ANO4: variants seen among roughly 807,000 people sequenced by gnomAD.
ANO4 encodes anoctamin-4.
ANO4 carries 69 observed loss-of-function variants against 141.9 expected under a neutral mutation model. The observed-to-expected ratio is 0.49, with a 90% CI of 0.40 to 0.59. The LOEUF is 0.59. ANO4 is among the 20% of genes least tolerant of loss of function. The probability of loss-of-function intolerance (pLI) is 0.00; values close to 1 mark genes in which losing one functional copy is unlikely to be tolerated. For synonymous variants in ANO4, 350 were observed against 394.3 expected, an observed-to-expected ratio of 0.89 and a Z score of 1.33; for missense variants, 894 against 1,162.2, an observed-to-expected ratio of 0.77 and a Z score of 3.36.
intron 21 of ANO4, among the ~76,000 whole-genome samples, chr12:101,098,219 TTAAA>T (rs2050059642): frequency 6.6e-6 from 1 of 152,206 alleles, no homozygotes; most frequent in African/African-American, 2.4e-5. Context: ...GTGAGCCACT[TTAAA>T]TACCTCTGAC....
chr12:101,048,059 C>A, intron 13 of ANO4: 1 of 1,186,066 alleles, frequency 8.4e-7, no homozygotes, highest in Non-Finnish European at 1.1e-6. Flanking sequence ...TTTTGTTGTG[C>A]ACAAAAGGGG....
At chr12:100,774,035 A>C (rs1026311019) in intron 3 of ANO4, among the ~76,000 whole-genome samples, 62 of 152,326 alleles carry the variant, frequency 4.1e-4, no homozygotes, top group African/African-American at 1.4e-3. Flanking sequence ...GTTGCATCAG[A>C]GGTCAAATGA....
intron 1 of ANO4, among the ~76,000 whole-genome samples, chr12:100,721,411 C>G (rs1488631986): frequency 6.6e-6 from 1 of 152,068 alleles, no homozygotes; most frequent in Non-Finnish European, 1.5e-5. Context: ...AAAACAGTTT[C>G]CTGGAGGAGG....
chr12:100,875,836 G>T (rs187911213), intron 1 of ANO4, among the ~76,000 whole-genome samples: 1 of 152,262 alleles, frequency 6.6e-6, no homozygotes, highest in East Asian at 1.9e-4. Flanking sequence ...AGAGCACTGA[G>T]GTAGAGAGGT....
At chr12:101,029,257 G>A (rs1469441832) in intron 9 of ANO4, among the ~76,000 whole-genome samples, 1 of 152,152 alleles carries the variant, frequency 6.6e-6, no homozygotes, top group African/African-American at 2.4e-5. Context: ...ATGACACTAT[G>A]AAGAAACTGC....
At chr12:100,980,616 A>G (rs2044416014) in intron 7 of ANO4, among the ~76,000 whole-genome samples, 1 of 152,212 alleles carries the variant, frequency 6.6e-6, no homozygotes, top group Admixed American at 6.5e-5. Flanking sequence ...TCTGAAACAA[A>G]CCTATTCCCT....
In ANO4 at chr12:100,876,291, A is replaced by ATAAAAT. The variant is rs1555236585; in HGVS notation, c.-140-25355_-140-25354insTAAAAT. 8.5e-3 allele frequency among the ~76,000 whole-genome samples: 1,281 copies of ATAAAAT among 151,434 alleles called. 18 individuals are homozygous for ATAAAAT. The highest frequency in any genetic ancestry group is 0.03 in the African/African-American group (1,213 of 40,944). Reference sequence around the variant, plus strand: ...GAATATAAAGACCAAAAAAAAAAAAAAAAAACAGTGGGAATTATCAAGATG... The same window carrying ATAAAAT: ...GAATATAAAGACCAAAAAAAAAAAAATAAAATAAAAACAGTGGGAATTATCAAGATG... On this transcript the variant is annotated intron_variant, in intron 1 of 27. Coordinates refer to ENST00000392977, the MANE Select transcript of ANO4 (RefSeq NM_001286615.2).
intron 13 of ANO4, among the ~76,000 whole-genome samples, chr12:101,044,890 A>C (rs978804858): frequency 3.3e-5 from 5 of 152,240 alleles, no homozygotes; most frequent in Non-Finnish European, 7.3e-5. Context: ...TTTGGTGAGC[A>C]TCAAGAGCTT....
intron 3 of ANO4, among the ~76,000 whole-genome samples, chr12:100,774,796 A>C (rs547689714): frequency 2.0e-5 from 3 of 152,372 alleles, no homozygotes; most frequent in South Asian, 4.1e-4. Flanking sequence ...TATAATCATC[A>C]GTCACTTTCC....
chr12:100,926,809 G>T (rs920785012), intron 3 of ANO4, among the ~76,000 whole-genome samples: 1 of 152,004 alleles, frequency 6.6e-6, no homozygotes, highest in African/African-American at 2.4e-5. Flanking sequence ...TTGTATGGAA[G>T]AAGAAATTGC....
chr12:100,949,729 C>A (rs1368313698), intron 5 of ANO4, among the ~76,000 whole-genome samples: 1 of 152,088 alleles, frequency 6.6e-6, no homozygotes, highest in Non-Finnish European at 1.5e-5. Flanking sequence ...TAATTTAATG[C>A]TCTTGGAAGA....
At chr12:101,097,976 C>T (rs946577471) in intron 21 of ANO4, 31 bp downstream of exon 21, 2 of 1,579,628 alleles carry the variant, frequency 1.3e-6, no homozygotes, top group Non-Finnish European at 1.7e-6. Context: ...AATTGAGAGG[C>T]AGCATTGCTC....
chr12:101,101,885 C>CT (rs1315429497), intron 22 of ANO4, among the ~76,000 whole-genome samples: 4 of 152,036 alleles, frequency 2.6e-5, no homozygotes, highest in Non-Finnish European at 4.4e-5. Flanking sequence ...GAGTTCAAGA[C>CT]CAGCCTGGCC....
intron 3 of ANO4, among the ~76,000 whole-genome samples, chr12:100,771,210 A>G (rs957118758): frequency 2.0e-5 from 3 of 151,282 alleles, no homozygotes; most frequent in Non-Finnish European, 4.4e-5. Flanking sequence ...GATGGGGGCC[A>G]TGGCAGACCT....
At chr12:101,014,364 C>T (rs2046228859) in intron 8 of ANO4, among the ~76,000 whole-genome samples, 1 of 152,154 alleles carries the variant, frequency 6.6e-6, no homozygotes, top group Non-Finnish European at 1.5e-5. Flanking sequence ...CAATCTTCCA[C>T]CACCCCGGGT....
At chr12:101,032,649 T>C (rs2047020953) in intron 9 of ANO4, among the ~76,000 whole-genome samples, 1 of 151,508 alleles carries the variant, frequency 6.6e-6, no homozygotes, top group Non-Finnish European at 1.5e-5. Flanking sequence ...CATCAAAAAG[T>C]GGGTGAAGGA....
Position 101,097,709 on chromosome 12 carries a change from G to T in ANO4, c.1908+1G>T. On this transcript the variant is annotated splice_donor_variant, in intron 20 of 27. Transcript: ENST00000392977. LOFTEE classifies it high-confidence loss of function. ...GATAAACAGGTGGAGACTAGAAGAG[G>T]TCTGTATTCTCCCATCATTCCTTGT... The T allele has an allele frequency of 6.2e-7, 1 of 1,613,652 alleles. No homozygotes were observed. Among genetic ancestry groups the T allele is most frequent in the Non-Finnish European group, 8.5e-7 (1 of 1,179,670 alleles).
At chr12:100,735,157 A>G (rs1446251990) in intron 2 of ANO4, among the ~76,000 whole-genome samples, 3 of 152,206 alleles carry the variant, frequency 2.0e-5, no homozygotes, top group Non-Finnish European at 4.4e-5. Flanking sequence ...TTCATTTGCC[A>G]TGAATGTACC....
At chr12:101,023,402 G>A (rs2046611271) in intron 9 of ANO4, among the ~76,000 whole-genome samples, 1 of 152,176 alleles carries the variant, frequency 6.6e-6, no homozygotes, top group African/African-American at 2.4e-5. Context: ...CAGGCACATT[G>A]GCTCATGCCT....
Sources: gnomAD v4.1 joint callset for allele counts (sites outside exome capture counted in the v4.1 genomes callset) on GRCh38, gnomAD v4.1.1 for gene constraint, MANE v1.5 for transcripts, NCBI Gene and HGNC (gene_info 2026-07-23, HGNC 2026-07-21) for gene names.